The following RAPH1 variants were observed in gnomAD, a reference collection of about 807,000 sequenced individuals.
RAPH1 encodes the protein ras-associated and pleckstrin homology domains-containing protein 1.
In RAPH1, 18 loss-of-function variants were observed where a neutral mutation model predicts 88.1. That is an observed-to-expected ratio of 0.20 (90% CI 0.14 to 0.30). The LOEUF (loss-of-function observed/expected upper bound fraction) is 0.30, where lower values mean the gene tolerates loss of function less well. Ranked by LOEUF, RAPH1 falls within the 10% of genes least tolerant of loss-of-function variation. The pLI, the probability that RAPH1 is intolerant of heterozygous loss-of-function variation, is 1.00. For synonymous variants in RAPH1, 587 were observed against 559.0 expected (o/e 1.05, Z -0.71); for missense variants, 1,448 against 1,543.2 (o/e 0.94, Z 1.03).
At chr2:203,469,469 A>AATT (rs1455735217) in intron 4 of RAPH1, among the ~76,000 whole-genome samples, 5 of 152,318 alleles carry the variant, frequency 3.3e-5, no homozygotes, top group African/African-American at 1.2e-4. Flanking sequence ...AAAGAAATTA[A>AATT]AGCAAACAAA....
chr2:203,528,152 T>C (rs893737568), intron 1 of RAPH1, among the ~76,000 whole-genome samples: 6 of 152,210 alleles, frequency 3.9e-5, no homozygotes, highest in African/African-American at 1.4e-4. Flanking sequence ...TGTGGCAGTA[T>C]GCTACCTAGA....
At position 203,438,008 on chromosome 2, in the gene RAPH1, A is replaced by C. The variant is rs1321753448; in HGVS notation, c.*1429T>G. On this transcript the variant is annotated 3_prime_UTR_variant, in exon 14 of 14. Coordinates refer to ENST00000319170, the MANE Select transcript of RAPH1 (RefSeq NM_213589.3). ...TTATTTCTCTCATGTACCAAGGAAAATTCACAGAAAAAAGCATATAGAAGT... is the reference window on the plus strand; with the variant it reads ...TTATTTCTCTCATGTACCAAGGAAACTTCACAGAAAAAAGCATATAGAAGT... The C allele has an allele frequency of 2.7e-6, 1 of 368,844 alleles. No individual in the cohort carries two copies. The highest frequency in any genetic ancestry group is 3.5e-5 in the Admixed American group (1 of 28,612). 22.8% of individuals were successfully genotyped at this position (368,844 alleles called of 1,614,324 possible). A position where few individuals can be genotyped will look rare whatever the true frequency, so the allele number is the denominator to read the frequency against.
At chr2:203,491,386 T>G (rs1191575033) in intron 2 of RAPH1, 67 bp from the exon 3 acceptor site, 1 of 1,132,478 alleles carries the variant, frequency 8.8e-7, no homozygotes. Flanking sequence ...AAAGATGAAG[T>G]TTGTTTTATG....
chr2:203,500,593 T>C (rs1438792228), intron 1 of RAPH1, among the ~76,000 whole-genome samples: 2 of 152,200 alleles, frequency 1.3e-5, no homozygotes, highest in African/African-American at 4.8e-5. Context: ...ATCTACTGAA[T>C]ACTAATGTCA....
In RAPH1 at chr2:203,439,572, G is replaced by A. The variant is rs1281236223; in HGVS notation, c.3618C>T (p.Pro1206=). 6.2e-7 allele frequency: 1 copy of A among 1,614,164 alleles called. No individual in the cohort carries two copies. Among genetic ancestry groups the A allele is most frequent in the African/African-American group, 1.3e-5 (1 of 75,050 alleles). ...TCTGTTGATCAGACAGCAGTTCAGG[G>A]GGTGGTGGAGGCAATGCCATATCAT... is the stretch of plus-strand genomic sequence containing the variant. ...TMDDMALPPP[P]PELLSDQQKA... Residue 1206 remains proline, a synonymous_variant, in exon 14 of 14, where the codon CCC becomes CCT. Coordinates refer to ENST00000319170, the MANE Select transcript of RAPH1 (RefSeq NM_213589.3).
chr2:203,501,505 G>A (rs1362837231), intron 1 of RAPH1, among the ~76,000 whole-genome samples: 1 of 152,170 alleles, frequency 6.6e-6, no homozygotes, highest in African/African-American at 2.4e-5. Context: ...GGTGGCTCAC[G>A]CCAGTAATCC....
chr2:203,471,440 C>T (rs1269431401), intron 4 of RAPH1, among the ~76,000 whole-genome samples: 6 of 152,114 alleles, frequency 3.9e-5, no homozygotes, highest in African/African-American at 7.2e-5. Context: ...GGTGAAACCC[C>T]GTTTCTACTA....
chr2:203,518,831 C>G (rs1273332700), intron 1 of RAPH1, among the ~76,000 whole-genome samples: 1 of 152,092 alleles, frequency 6.6e-6, no homozygotes, highest in Non-Finnish European at 1.5e-5. Context: ...GGCAACAGAA[C>G]AAAATCCTGT....
chr2:203,491,445 G>C (rs893572206), intron 2 of RAPH1, 126 bp from the exon 3 acceptor site: 2 of 578,836 alleles, frequency 3.5e-6, no homozygotes, highest in Non-Finnish European at 6.0e-6. Context: ...GTTCTCCTAA[G>C]TAATAGACTT....
intron 1 of RAPH1, among the ~76,000 whole-genome samples, chr2:203,518,683 C>T (rs1482754194): frequency 6.6e-6 from 1 of 151,920 alleles, no homozygotes; most frequent in Non-Finnish European, 1.5e-5. Flanking sequence ...CCCTTCTCCA[C>T]AAAAAAATTT....
At position 203,440,397 on chromosome 2, in the gene RAPH1, G is replaced by A. The variant is rs1451768750; in HGVS notation, c.2793C>T (p.Pro931=). 2 of 1,570,020 alleles carry A rather than the reference G, an allele frequency of 1.3e-6. No homozygotes were observed. The highest frequency in any genetic ancestry group is 1.7e-6 in the Non-Finnish European group (2 of 1,157,814). ...PESSLVFPPP[P]PSPVPAPPPP... The stretch of plus-strand genomic sequence containing the variant: ...GTGGTGGGGCTGGGACAGGTGATGG[G>A]GGTGGAGGAGGAAACACCAGGCTGC... Residue 931 remains proline, a synonymous_variant, in exon 14 of 14, where the codon CCC becomes CCT. Transcript: ENST00000319170.
chr2:203,471,786 T>G (rs1053226613), intron 4 of RAPH1, among the ~76,000 whole-genome samples: 1 of 149,316 alleles, frequency 6.7e-6, no homozygotes, highest in Admixed American at 6.8e-5. Flanking sequence ...GTAAACTTTA[T>G]AAGCATAAAT....
rs1431490418 is a variant in RAPH1, at chr2:203,486,085, G to A, written c.732+3499C>T. 5.8e-5 allele frequency among the ~76,000 whole-genome samples: 6 copies of A among 102,750 alleles called. 1 individual carries two copies. The highest frequency in any genetic ancestry group is 1.1e-4 in the Non-Finnish European group (5 of 46,726). The allele number at this position is 102,750 out of a possible 152,430, so 67.4% of individuals were successfully genotyped here. ...GGAAAAAAAACCTAAGGATAATCCT[G>A]AAGACTACAAAAAAAAAAAAAAGAA... On this transcript the variant is annotated intron_variant, in intron 4 of 13. Transcript: ENST00000319170.
intron 1 of RAPH1, among the ~76,000 whole-genome samples, chr2:203,503,896 C>A (rs1261506424): frequency 6.6e-6 from 1 of 152,154 alleles, no homozygotes; most frequent in Non-Finnish European, 1.5e-5. Flanking sequence ...GCCAGTGGGG[C>A]AGCCAAATTT....
At chr2:203,481,861 C>T (rs1687744021) in intron 4 of RAPH1, among the ~76,000 whole-genome samples, 1 of 151,358 alleles carries the variant, frequency 6.6e-6, no homozygotes, top group South Asian at 2.1e-4. Flanking sequence ...CTCGGCCTCC[C>T]AAAGTATTAG....
At chr2:203,466,743 A>G (rs966916852) in intron 4 of RAPH1, among the ~76,000 whole-genome samples, 2 of 152,212 alleles carry the variant, frequency 1.3e-5, no homozygotes, top group Admixed American at 6.5e-5. Flanking sequence ...GAGACAATCT[A>G]TTTTCTACTG....
At chr2:203,503,040 A>G (rs1474140710) in intron 1 of RAPH1, among the ~76,000 whole-genome samples, 1 of 152,062 alleles carries the variant, frequency 6.6e-6, no homozygotes, top group Non-Finnish European at 1.5e-5. Flanking sequence ...GCTACTCGGG[A>G]GGCTGAGGCA....
rs189640317 is a variant in RAPH1, at chr2:203,438,375, A to G, written c.*1062T>C. 2,710 of 346,944 alleles carry G rather than the reference A, an allele frequency of 7.8e-3. 29 individuals carry two copies. Among genetic ancestry groups the G allele is most frequent in the Non-Finnish European group, 0.012 (2,065 of 175,578 alleles). The allele number at this position is 346,944 out of a possible 1,614,324, so 21.5% of individuals were successfully genotyped here. ...CTCAAAAAATGCATTTTAGAAAATG[A>G]TTTTGTTTTTCATAATGCACCATAT... On this transcript the variant is annotated 3_prime_UTR_variant, in exon 14 of 14. Coordinates refer to ENST00000319170, the MANE Select transcript of RAPH1 (RefSeq NM_213589.3).
intron 1 of RAPH1, among the ~76,000 whole-genome samples, chr2:203,507,085 C>T (rs1181432921): frequency 5.3e-5 from 8 of 150,170 alleles, no homozygotes; most frequent in African/African-American, 2.0e-4. Context: ...TTAGTAGAGA[C>T]AGGGTTTCAC....
Sources: gnomAD v4.1 joint callset for allele counts (sites outside exome capture counted in the v4.1 genomes callset) on GRCh38, gnomAD v4.1.1 for gene constraint, MANE v1.5 for transcripts, NCBI Gene and HGNC (gene_info 2026-07-23, HGNC 2026-07-21) for gene names.